The following PTCH2 variants were observed in gnomAD, a reference collection of about 807,000 sequenced individuals.
PTCH2 encodes the protein patched 2.
Under a neutral mutation model 117.9 loss-of-function variants are expected in PTCH2, and 96 were observed. The observed-to-expected ratio is 0.81, with a 90% CI of 0.69 to 0.96. The LOEUF is 0.96. Ranked by LOEUF, PTCH2 falls within the 50% of genes least tolerant of loss-of-function variation. The pLI, the probability that PTCH2 is intolerant of heterozygous loss-of-function variation, is 0.00. For synonymous variants in PTCH2, 615 were observed against 660.9 expected (o/e 0.93, Z 1.06); for missense variants, 1,379 against 1,562.5 (o/e 0.88, Z 1.98).
intron 6 of PTCH2, 35 bp from the exon 7 acceptor site, chr1:44,830,065 C>A (rs373505306): frequency 6.2e-7 from 1 of 1,611,022 alleles, no homozygotes; most frequent in South Asian, 1.1e-5. Context: ...TGCTCAAGGC[C>A]CTGGCCGTGG....
In PTCH2 at chr1:44,829,420, C is replaced by CA; in HGVS notation, c.1196dup (p.Gly401ArgfsTer70). On this transcript the variant is annotated frameshift_variant, in exon 9 of 22. Coordinates refer to ENST00000372192, the MANE Select transcript of PTCH2 (RefSeq NM_003738.5). LOFTEE classifies it high-confidence loss of function. ...GACCCACCATGAGCAGATAGCCTCC[C>CA]ACCACACGGGCAGCACTGACTTCAG... 1 of 1,614,226 alleles carries CA rather than the reference C, an allele frequency of 6.2e-7. No homozygotes were observed. Among genetic ancestry groups the CA allele is most frequent in the Non-Finnish European group, 8.5e-7 (1 of 1,180,036 alleles).
chr1:44,843,240 G>A lies in PTCH2; in HGVS notation c.-308C>T, dbSNP rs555208212. On this transcript the variant is annotated 5_prime_UTR_variant, in exon 1 of 22. Transcript: ENST00000372192. ...TGGCCCGAGACGCACAGCAGGGCTC[G>A]AGGTGGCAACTGCAGTCCCCGGGAG... is the stretch of plus-strand genomic sequence containing the variant. 3 of 985,386 alleles carry A rather than the reference G, an allele frequency of 3.0e-6. No homozygotes were observed. The East Asian group carries it at 3.4e-4, about 112-fold the overall frequency. The allele number at this position is 985,386 out of a possible 1,614,324, so 61.0% of individuals were successfully genotyped here.
chr1:44,828,503 C>T lies in PTCH2; in HGVS notation c.1590+3G>A. 6.2e-7 allele frequency: 1 copy of T among 1,614,166 alleles called. No homozygotes were observed. Among genetic ancestry groups the T allele is most frequent in the African/African-American group, 1.3e-5 (1 of 75,066 alleles). Reference sequence around the variant, plus strand: ...CTGAGCTGCCCCGTGTGAGAGGCCTCACCTGTAGGGAGAAGGCTCGCAGCG... The same window carrying T: ...CTGAGCTGCCCCGTGTGAGAGGCCTTACCTGTAGGGAGAAGGCTCGCAGCG... On this transcript the variant is annotated splice_donor_region_variant and intron_variant, in intron 12 of 21. Coordinates refer to ENST00000372192, the MANE Select transcript of PTCH2 (RefSeq NM_003738.5).
chr1:44,832,403 G>A (rs1429207398), intron 2 of PTCH2, 62 bp from the exon 3 acceptor site: 5 of 1,573,322 alleles, frequency 3.2e-6, no homozygotes, highest in Admixed American at 1.7e-5. Flanking sequence ...AACTTGGGAA[G>A]GGGGCTTCTA....
At chr1:44,837,267 A>AT (rs1390462330) in intron 2 of PTCH2, among the ~76,000 whole-genome samples, 2 of 151,494 alleles carry the variant, frequency 1.3e-5, no homozygotes, top group Non-Finnish European at 2.9e-5. Context: ...TTATTTATAT[A>AT]TTTTTTTGAG....
rs766309295 is a variant in PTCH2 at position 44,832,063 on chromosome 1, TAGG to T, written c.456-22_456-20del. 7 of 1,612,338 alleles carry T rather than the reference TAGG, an allele frequency of 4.3e-6. No homozygotes were observed. In the South Asian group the frequency reaches 6.6e-5, roughly 15 times the overall value. ...CCAGGACCTGCAATAGCCAGGGGCA[TAGG>T]AGATCAGCAGAAGAAGGGGATTCCC... On this transcript the variant is annotated intron_variant, in intron 3 of 21. Transcript: ENST00000372192.
In PTCH2 at chr1:44,831,156, C is replaced by A; in HGVS notation, c.618-113G>T. 1 of 1,113,112 alleles carries A rather than the reference C, an allele frequency of 9.0e-7. No individual in the cohort carries two copies. Among genetic ancestry groups the A allele is most frequent in the South Asian group, 1.5e-5 (1 of 66,810 alleles). The allele number at this position is 1,113,112 out of a possible 1,614,324, so 69.0% of individuals were successfully genotyped here. On this transcript the variant is annotated intron_variant, in intron 5 of 21. Coordinates refer to ENST00000372192, the MANE Select transcript of PTCH2 (RefSeq NM_003738.5). This position sits in a 1 kb window ranked among gnomAD's most constrained non-coding sequence, Gnocchi z 4.3. The stretch of plus-strand genomic sequence containing the variant: ...TCCTCTTATCTGCCGATTTGTCCTT[C>A]CATATGGAGGGTGTGCAAGCCTCAG...
In PTCH2 at chr1:44,842,915, G is replaced by A; in HGVS notation, c.18C>T (p.Pro6=). The A allele has an allele frequency of 6.5e-7, 1 of 1,549,066 alleles. No homozygotes were observed. Among genetic ancestry groups the A allele is most frequent in the Non-Finnish European group, 8.7e-7 (1 of 1,146,044 alleles). The stretch of plus-strand genomic sequence containing the variant: ...TGTAACTCGGGGGCAGCTCTCTGAG[G>A]GGCGGCGATCGAGTCATGCTGGCGG... MTRSP[P]LRELPPSYTP... is the part of the protein sequence containing the mutation. The change falls in exon 1 of 22, where the codon CCC becomes CCT. Residue 6 remains proline, a synonymous_variant. Coordinates refer to ENST00000372192, the MANE Select transcript of PTCH2 (RefSeq NM_003738.5).
chr1:44,829,481 G>A lies in PTCH2; in HGVS notation c.1136C>T (p.Ser379Phe), dbSNP rs368765453. The change falls in exon 9 of 22, where the codon TCC (serine) becomes TTC (phenylalanine). Residue 379 changes from serine to phenylalanine, a missense_variant. Physicochemically the swap from Ser to Phe is radical, Grantham distance 155. Coordinates refer to ENST00000372192, the MANE Select transcript of PTCH2 (RefSeq NM_003738.5). Reference sequence around the variant, plus strand: ...CAGGATGTCATCCAGGGTGGTGGAGGAGAAGGCATGGATCTGCTGGGAAGC... The same window carrying A: ...CAGGATGTCATCCAGGGTGGTGGAGAAGAAGGCATGGATCTGCTGGGAAGC... ...ENASQQIHAF[S>F]STTLDDILHA... 1.2e-6 allele frequency: 2 copies of A among 1,614,130 alleles called. No homozygotes were observed. The highest frequency in any genetic ancestry group is 2.7e-5 in the African/African-American group (2 of 74,950).
rs772919434 is a variant in PTCH2 at position 44,827,561 on chromosome 1, C to T, written c.2212G>A (p.Glu738Lys). 1.5e-5 allele frequency: 24 copies of T among 1,614,026 alleles called. No individual in the cohort carries two copies. Among genetic ancestry groups the T allele is most frequent in the Admixed American group, 1.0e-4 (6 of 60,006 alleles). The change falls in exon 15 of 22, where the codon GAG becomes AAG. Residue 738 changes from glutamate to lysine, a missense_variant. By Grantham distance (56) the Glu-to-Lys change is moderately conservative (BLOSUM62 1). Coordinates refer to ENST00000372192, the MANE Select transcript of PTCH2 (RefSeq NM_003738.5). ...CCACCCTGGGTCACCAGGGCCACCT[C>T]GTACAGGGAGAAGTACCTGAGCTGG... ...SAQLRYFSLY[E>K]VALVTQGGFD... is the part of the protein sequence containing the mutation.
intron 2 of PTCH2, among the ~76,000 whole-genome samples, chr1:44,836,358 C>T (rs11573559): frequency 0.21 from 31,501 of 152,016 alleles, 3,449 homozygotes; most frequent in East Asian, 0.29. Context: ...ATGCCTGTAA[C>T]CCCAGCACTT....
At chr1:44,829,098 G>T in intron 10 of PTCH2, 24 bp from the exon 11 acceptor site, 1 of 1,613,544 alleles carries the variant, frequency 6.2e-7, no homozygotes. Context: ...GGAGCGGGCA[G>T]CTGAGGACCC....
At position 44,826,700 on chromosome 1, in the gene PTCH2, C is replaced by T; in HGVS notation, c.2764G>A (p.Asp922Asn). The change falls in exon 18 of 22, where the codon GAC becomes AAC. Residue 922 changes from aspartate to asparagine, a missense_variant. Physicochemically the swap from Asp to Asn is conservative, Grantham distance 23. Coordinates refer to ENST00000372192, the MANE Select transcript of PTCH2 (RefSeq NM_003738.5). This position sits in a 1 kb window ranked among gnomAD's most constrained non-coding sequence, Gnocchi z 5.1. ...FLLRGLQKTA[D>N]FVEAIEGARA... The stretch of plus-strand genomic sequence containing the variant: ...GCCCCCTCGATGGCCTCCACAAAGT[C>T]TGCAGTCTTCTGGAGGCCACGCAGC... The T allele has an allele frequency of 6.2e-7, 1 of 1,603,456 alleles. No homozygotes were observed. Among genetic ancestry groups the T allele is most frequent in the Non-Finnish European group, 8.5e-7 (1 of 1,173,722 alleles).
rs775781132 is a variant in PTCH2, at chr1:44,826,229, C to A, written c.3114+21G>T. The A allele has an allele frequency of 1.9e-6, 3 of 1,612,806 alleles. No individual in the cohort carries two copies. The highest frequency in any genetic ancestry group is 2.5e-6 in the Non-Finnish European group (3 of 1,179,496). The stretch of plus-strand genomic sequence containing the variant: ...ATACTGAATCAGCTGATTGGTCCCT[C>A]CCCGGGGTGCCCGTGCTCACCAGAG... On this transcript the variant is annotated intron_variant, in intron 19 of 21. Transcript: ENST00000372192. This position sits in a 1 kb window ranked among gnomAD's most constrained non-coding sequence, Gnocchi z 5.1.
rs1652946178 is a variant in PTCH2, at chr1:44,822,439, C to T, written c.3588G>A (p.Arg1196=). The change falls in exon 22 of 22, where the codon AGG becomes AGA. Residue 1196 remains arginine, a synonymous_variant. Coordinates refer to ENST00000372192, the MANE Select transcript of PTCH2 (RefSeq NM_003738.5). ...AATSSGNLSS[R]GPGPATG Reference sequence around the variant, plus strand: ...TTCACCCAGTGGCTGGACCTGGTCCCCTGGAACTGAGGTTGCCAGAGCTAG... The same window carrying T: ...TTCACCCAGTGGCTGGACCTGGTCCTCTGGAACTGAGGTTGCCAGAGCTAG... 6.2e-7 allele frequency: 1 copy of T among 1,613,886 alleles called. No homozygotes were observed. The highest frequency in any genetic ancestry group is 1.3e-5 in the African/African-American group (1 of 75,034).
At chr1:44,821,453 C>T (rs1311732436), downstream of PTCH2, among the ~76,000 whole-genome samples, 2 of 152,226 alleles carry the variant, frequency 1.3e-5, no homozygotes, top group African/African-American at 2.4e-5. Flanking sequence ...GCTCCTTTCC[C>T]TGGGTCCACA....
intron 2 of PTCH2, among the ~76,000 whole-genome samples, chr1:44,836,574 G>A (rs1229891508): frequency 6.6e-6 from 1 of 152,044 alleles, no homozygotes; most frequent in Non-Finnish European, 1.5e-5. Context: ...CAGGCGTGGT[G>A]CGCACCTGTA....
chr1:44,827,837 T>A lies in PTCH2; in HGVS notation c.2058+6A>T. 1 of 1,614,006 alleles carries A rather than the reference T, an allele frequency of 6.2e-7. No homozygotes were observed. Among genetic ancestry groups the A allele is most frequent in the Non-Finnish European group, 8.5e-7 (1 of 1,179,966 alleles). On this transcript the variant is annotated splice_donor_region_variant and intron_variant, in intron 14 of 21. Coordinates refer to ENST00000372192, the MANE Select transcript of PTCH2 (RefSeq NM_003738.5). The stretch of plus-strand genomic sequence containing the variant: ...TAAGTCTCTGCCCTGCTCTGCCCAG[T>A]CTTACCTTAGCATGTGACTGGAGCA...
At chr1:44,821,583 T>C (rs1358340489), downstream of PTCH2, among the ~76,000 whole-genome samples, 7 of 152,178 alleles carry the variant, frequency 4.6e-5, no homozygotes, top group African/African-American at 1.7e-4. Flanking sequence ...TGCCTTGCCG[T>C]TTCCCGTGCG....
Sources: gnomAD v4.1 joint callset for allele counts (sites outside exome capture counted in the v4.1 genomes callset) on GRCh38, gnomAD v4.1.1 for gene constraint, Gnocchi (gnomAD v3.1) non-coding constraint, MANE v1.5 for transcripts, NCBI Gene and HGNC (gene_info 2026-07-23, HGNC 2026-07-21) for gene names.